The following DNAJB11 variants were observed in gnomAD, a reference collection of about 807,000 sequenced individuals.
DNAJB11 encodes DnaJ heat shock protein family (Hsp40) member B11.
A neutral mutation model predicts 47.2 loss-of-function variants in DNAJB11; 30 were observed. That is an observed-to-expected ratio of 0.64 (90% CI 0.48 to 0.86). The LOEUF (loss-of-function observed/expected upper bound fraction) is 0.86, where lower values mean the gene tolerates loss of function less well. DNAJB11 is among the 40% of genes least tolerant of loss of function. The probability of loss-of-function intolerance (pLI) is 0.00; values close to 1 mark genes in which losing one functional copy is unlikely to be tolerated. For synonymous variants in DNAJB11, 151 were observed against 159.9 expected, an observed-to-expected ratio of 0.94 and a Z score of 0.42; for missense variants, 357 against 440.2, an observed-to-expected ratio of 0.81 and a Z score of 1.69.
intron 4 of DNAJB11, chr3:186,578,230 A>G (rs1361729794): frequency 1.3e-5 from 2 of 152,212 alleles, no homozygotes; most frequent in African/African-American, 2.4e-5. Flanking sequence ...TTCACTCACT[A>G]TTATGTTACT....
chr3:186,570,969 AG>A lies in DNAJB11; in HGVS notation c.68+6del. ...TCATCGGGGCGGTGATTGCCGGGTG[AG>A]GAACAGACACTCGCAGACAACGGGG... On this transcript the variant is annotated splice_donor_5th_base_variant and intron_variant, in intron 1 of 9. Coordinates refer to ENST00000265028, the MANE Select transcript of DNAJB11 (RefSeq NM_016306.6). 7.0e-7 allele frequency: 1 copy of A among 1,438,074 alleles called. No individual in the cohort carries two copies. The highest frequency in any genetic ancestry group is 9.3e-7 in the Non-Finnish European group (1 of 1,073,436). 89.1% of individuals were successfully genotyped at this position (1,438,074 alleles called of 1,614,324 possible). A position where few individuals can be genotyped will look rare whatever the true frequency, so the allele number is the denominator to read the frequency against.
chr3:186,573,092 G>T (rs887648239), intron 2 of DNAJB11, among the ~76,000 whole-genome samples: 40 of 152,046 alleles, frequency 2.6e-4, no homozygotes, highest in Non-Finnish European at 1.6e-4. Context: ...ATATATTAGA[G>T]CTAGGCATAT....
intron 4 of DNAJB11, chr3:186,581,117 C>A: frequency 2.6e-6 from 1 of 390,150 alleles, no homozygotes; most frequent in Non-Finnish European, 4.7e-6. Context: ...TTTTTCGGTT[C>A]TCTTGTTTCT....
chr3:186,584,582 G>A lies in DNAJB11; in HGVS notation c.1005G>A (p.Ala335=), dbSNP rs750029347. Residue 335 remains alanine (A), a synonymous_variant, in exon 9 of 10, where the codon GCG becomes GCA. Transcript: ENST00000265028. ...CAAAAGAACAGTTAACAGAGGAAGC[G>A]AGAGAAGGTATGGCATATTAGTGTG... ...DFPKEQLTEE[A]REGIKQLLKQ... 1.0e-5 allele frequency: 15 copies of A among 1,465,868 alleles called. No homozygotes were observed. The highest frequency in any genetic ancestry group is 2.5e-5 in the East Asian group (1 of 39,718). 90.8% of individuals were successfully genotyped at this position (1,465,868 alleles called of 1,614,324 possible).
At chr3:186,574,286 A>T (rs1477195521) in intron 2 of DNAJB11, among the ~76,000 whole-genome samples, 2 of 152,218 alleles carry the variant, frequency 1.3e-5, no homozygotes, top group African/African-American at 4.8e-5. Context: ...AATGACTTCA[A>T]GAGTAGTTTT....
intron 9 of DNAJB11, 113 bp from the exon 10 acceptor site, chr3:186,585,231 C>T: frequency 2.7e-6 from 2 of 735,578 alleles, no homozygotes; most frequent in Non-Finnish European, 4.5e-6. Context: ...ATTTAATTCA[C>T]ATCCATGTTT....
Position 186,585,491 on chromosome 3 carries a change from TTTTTA to T in DNAJB11, c.*88_*92del. 1 of 1,122,592 alleles carries T rather than the reference TTTTTA, an allele frequency of 8.9e-7. No homozygotes were observed. Among genetic ancestry groups the T allele is most frequent in the Non-Finnish European group, 1.3e-6 (1 of 775,816 alleles). 69.5% of individuals were successfully genotyped at this position (1,122,592 alleles called of 1,614,324 possible). ...CAAGGTTTTTTTGTGTGTGTTTTTG[TTTTTA>T]TTTTCAATATGCAAGTTAGGCTTAA... On this transcript the variant is annotated 3_prime_UTR_variant, in exon 10 of 10. Transcript: ENST00000265028.
chr3:186,572,250 A>T lies in DNAJB11; in HGVS notation c.224A>T (p.Glu75Val). 6.2e-7 allele frequency: 1 copy of T among 1,601,466 alleles called. No homozygotes were observed. The highest frequency in any genetic ancestry group is 2.2e-5 in the East Asian group (1 of 44,842). ...TTCCAGGATCTGGGTGCTGCTTATG[A>T]GGTGAGTTGGGAAAAGTGATAAAGT... ...EKFQDLGAAY[E>V]VLSDSEKRKQ... is the part of the protein sequence containing the mutation. The change falls in exon 2 of 10, where the codon GAG becomes GTG. Residue 75 changes from glutamate to valine, a missense_variant and splice_region_variant. Glu to Val is a moderately radical substitution (Grantham distance 121). Coordinates refer to ENST00000265028, the MANE Select transcript of DNAJB11 (RefSeq NM_016306.6).
chr3:186,585,468 AG>A lies in DNAJB11; in HGVS notation c.*62del, dbSNP rs1398864994. 1.5e-6 allele frequency: 2 copies of A among 1,361,882 alleles called. No individual in the cohort carries two copies. Among genetic ancestry groups the A allele is most frequent in the Non-Finnish European group, 2.0e-6 (2 of 977,024 alleles). The allele number at this position is 1,361,882 out of a possible 1,614,324, so 84.4% of individuals were successfully genotyped here. ...GAATAAGCGATATTTATTATCTGCA[AG>A]GTTTTTTTGTGTGTGTTTTTGTTTT... On this transcript the variant is annotated 3_prime_UTR_variant, in exon 10 of 10. Coordinates refer to ENST00000265028, the MANE Select transcript of DNAJB11 (RefSeq NM_016306.6).
Position 186,582,050 on chromosome 3 carries a change from G to T in DNAJB11, c.655G>T (p.Gly219Cys), listed in dbSNP as rs751024041. ...AGAAATAGAGCCTGGGGTGAGAGACGGCATGGAGTACCCCTTTATTGGAGA... is the reference window on the plus strand; with the variant it reads ...AGAAATAGAGCCTGGGGTGAGAGACTGCATGGAGTACCCCTTTATTGGAGA... ...EVEIEPGVRD[G>C]MEYPFIGEGE... The change falls in exon 6 of 10, where the codon GGC (glycine) becomes TGC (cysteine). Residue 219 changes from glycine to cysteine, a missense_variant. Gly to Cys is a radical substitution (Grantham distance 159, BLOSUM62 -3). Transcript: ENST00000265028. The T allele has an allele frequency of 6.2e-7, 1 of 1,613,562 alleles. No individual in the cohort carries two copies. The highest frequency in any genetic ancestry group is 1.1e-5 in the South Asian group (1 of 91,048).
Position 186,570,741 on chromosome 3 carries a change from A to G in DNAJB11, c.-157A>G, listed in dbSNP as rs868587136. The stretch of plus-strand genomic sequence containing the variant: ...CGGGACTCCCGGGAAGTGGACCGGC[A>G]GAAGAGGGGGCTAGCTAGCTGTCTC... On this transcript the variant is annotated 5_prime_UTR_variant, in exon 1 of 10. Transcript: ENST00000265028. The G allele has an allele frequency of 1.0e-5, 7 of 670,746 alleles. No homozygotes were observed. Among genetic ancestry groups the G allele is most frequent in the Middle Eastern group, 7.0e-4 (2 of 2,840 alleles). The allele number at this position is 670,746 out of a possible 1,614,324, so 41.5% of individuals were successfully genotyped here.
intron 4 of DNAJB11, chr3:186,579,362 A>T (rs1354011207): frequency 6.6e-6 from 1 of 152,148 alleles, no homozygotes; most frequent in East Asian, 1.9e-4. Flanking sequence ...AGCTATATCC[A>T]TTCTAATAAT....
At chr3:186,582,596 G>A (rs769150042) in intron 6 of DNAJB11, 120 bp from the exon 7 acceptor site, 44 of 771,610 alleles carry the variant, frequency 5.7e-5, no homozygotes, top group African/African-American at 3.1e-4. Context: ...AGACACTGCC[G>A]TCACAGATTT....
intron 1 of DNAJB11, 72 bp downstream of exon 1, chr3:186,571,037 G>GGGGGGGGGGGGGT: frequency 2.1e-6 from 2 of 940,414 alleles, no homozygotes; most frequent in African/African-American, 1.6e-5. Context: ...GGGGGTGGGG[G>GGGGGGGGGGGGGT]AAGTGGCATT....
At chr3:186,576,905 T>C (rs1210643811) in intron 3 of DNAJB11, among the ~76,000 whole-genome samples, 1 of 152,144 alleles carries the variant, frequency 6.6e-6, no homozygotes, top group African/African-American at 2.4e-5. Context: ...AGTTGGTTGG[T>C]GGGAGAGGGA....
At chr3:186,574,083 T>C (rs79736582) in intron 2 of DNAJB11, among the ~76,000 whole-genome samples, 1 of 152,252 alleles carries the variant, frequency 6.6e-6, no homozygotes, top group African/African-American at 2.4e-5. Context: ...AGTACAGTTA[T>C]GAAGAATCTT....
At position 186,570,835 on chromosome 3, in the gene DNAJB11, G is replaced by GC. The variant is rs1578981140; in HGVS notation, c.-61dup. On this transcript the variant is annotated 5_prime_UTR_variant, in exon 1 of 10. Coordinates refer to ENST00000265028, the MANE Select transcript of DNAJB11 (RefSeq NM_016306.6). ...CTCACAGGGCCGGGTGGGCTGGCGA[G>GC]CCGACGCGGCGGCGGAGGAGGCTGT... The GC allele has an allele frequency of 6.6e-7, 1 of 1,524,578 alleles. No individual in the cohort carries two copies. The highest frequency in any genetic ancestry group is 2.5e-5 in the East Asian group (1 of 40,370). 94.4% of individuals were successfully genotyped at this position (1,524,578 alleles called of 1,614,324 possible).
intron 4 of DNAJB11, chr3:186,578,059 C>T (rs542638311): frequency 8.8e-6 from 2 of 227,726 alleles, no homozygotes; most frequent in Admixed American, 1.1e-4. Flanking sequence ...ACCCTGCCTC[C>T]CTTCAAAGGT....
rs776456542 is a variant in DNAJB11 at position 186,581,448 on chromosome 3, C to T, written c.534C>T (p.Thr178=). Residue 178 remains threonine (T), a synonymous_variant, in exon 5 of 10, where the codon ACC becomes ACT. Transcript: ENST00000265028. ...KCNCRQEMRT[T]QLGPGRFQMT... ...ATTGTCGGCAAGAGATGCGGACCAC[C>T]CAGCTGGGCCCTGGGCGCTTCCAAA... 1.2e-6 allele frequency: 2 copies of T among 1,613,702 alleles called. No homozygotes were observed. The highest frequency in any genetic ancestry group is 2.7e-5 in the African/African-American group (2 of 74,780).
Sources: gnomAD v4.1 joint callset for allele counts (sites outside exome capture counted in the v4.1 genomes callset) on GRCh38, gnomAD v4.1.1 for gene constraint, MANE v1.5 for transcripts, NCBI Gene and HGNC (gene_info 2026-07-23, HGNC 2026-07-21) for gene names.